GARNL3: variants seen among roughly 807,000 people sequenced by gnomAD.
GARNL3 encodes the protein GTPase-activating Rap/Ran-GAP domain-like protein 3.
In GARNL3, 63 loss-of-function variants were observed where a neutral mutation model predicts 125.0. The ratio of observed to expected loss-of-function variants is 0.50; its 90% CI spans 0.41 to 0.62. The LOEUF (loss-of-function observed/expected upper bound fraction) is 0.62. Among genes scored for constraint, GARNL3 ranks in the 20% least tolerant of loss-of-function variants. The pLI is 0.00. For synonymous variants in GARNL3, 439 were observed against 457.5 expected (o/e 0.96, Z 0.52); for missense variants, 994 against 1,244.0 (o/e 0.80, Z 3.02).
chr9:127,290,056 G>T lies in GARNL3; in HGVS notation c.145-1112G>T, dbSNP rs1383646353. 2.0e-5 allele frequency among the ~76,000 whole-genome samples: 3 copies of T among 152,142 alleles called. No individual in the cohort carries two copies. The East Asian group carries it at 5.8e-4, about 29-fold the overall frequency. Reference sequence around the variant, plus strand: ...CTAACTAGTTAAGTGACTGTAGCCCGTTATTTTACCCTTCTCTGCCTCAGT... The same window carrying T: ...CTAACTAGTTAAGTGACTGTAGCCCTTTATTTTACCCTTCTCTGCCTCAGT... On this transcript the variant is annotated intron_variant, in intron 1 of 27. Coordinates refer to ENST00000373387, the MANE Select transcript of GARNL3 (RefSeq NM_032293.5).
chr9:127,358,446 A>G (rs1163571724), intron 21 of GARNL3, among the ~76,000 whole-genome samples: 2 of 152,264 alleles, frequency 1.3e-5, no homozygotes, highest in East Asian at 1.9e-4. Flanking sequence ...GGCTACCTCC[A>G]GTCCTGTTCA....
At chr9:127,344,063 G>A (rs760183328) in intron 14 of GARNL3, among the ~76,000 whole-genome samples, 172 bp from the exon 15 acceptor site, 1 of 152,160 alleles carries the variant, frequency 6.6e-6, no homozygotes, top group Non-Finnish European at 1.5e-5. Flanking sequence ...TCTGAATCTA[G>A]TATCTACCAT....
intron 2 of GARNL3, among the ~76,000 whole-genome samples, chr9:127,302,978 C>T (rs1353567665): frequency 3.3e-5 from 5 of 152,074 alleles, no homozygotes; most frequent in East Asian, 3.9e-4. Context: ...GGTGAAACCC[C>T]GTCTCAACTA....
intron 2 of GARNL3, among the ~76,000 whole-genome samples, chr9:127,252,290 T>G (rs1171466948): frequency 6.6e-6 from 1 of 152,196 alleles, no homozygotes; most frequent in Non-Finnish European, 1.5e-5. Context: ...ATGGTTATGT[T>G]CCTAAAGCAA....
At chr9:127,337,964 A>G in intron 11 of GARNL3, 152 bp from the exon 12 acceptor site, 1 of 641,668 alleles carries the variant, frequency 1.6e-6, no homozygotes, top group Non-Finnish European at 2.8e-6. Flanking sequence ...TCTCTTGGAA[A>G]GAAGTATGGG....
At chr9:127,319,455 C>G (rs1315517598) in intron 5 of GARNL3, among the ~76,000 whole-genome samples, 1 of 151,908 alleles carries the variant, frequency 6.6e-6, no homozygotes. Context: ...GCACTCTAAC[C>G]TGGGTGACAG....
chr9:127,230,956 A>G (rs533916730), intron 1 of GARNL3, among the ~76,000 whole-genome samples: 18 of 134,702 alleles, frequency 1.3e-4, no homozygotes, highest in Admixed American at 1.2e-3. Flanking sequence ...CAGGCAAACG[A>G]TATATATGTG....
intron 13 of GARNL3, among the ~76,000 whole-genome samples, chr9:127,341,751 C>T (rs756789698): frequency 6.6e-6 from 1 of 152,148 alleles, no homozygotes; most frequent in Admixed American, 6.5e-5. Flanking sequence ...CTTTCATCAG[C>T]GTTGTCAAAG....
chr9:127,392,092 G>A lies in GARNL3; in HGVS notation c.2871-991G>A, dbSNP rs1231684732. Among the ~76,000 whole-genome samples, 2 of 152,214 alleles carry A rather than the reference G, an allele frequency of 1.3e-5. No individual in the cohort carries two copies. Among genetic ancestry groups the A allele is most frequent in the Non-Finnish European group, 2.9e-5 (2 of 68,034 alleles). On this transcript the variant is annotated intron_variant, in intron 27 of 27. Transcript: ENST00000373387. This position sits in a 1 kb window ranked among gnomAD's most constrained non-coding sequence, Gnocchi z 5.2. Reference sequence around the variant, plus strand: ...AAAATGACTGCATTCCAGCATGGCAGGTGATGTGTAAGGAGGGTTGCCATC... The same window carrying A: ...AAAATGACTGCATTCCAGCATGGCAAGTGATGTGTAAGGAGGGTTGCCATC...
At chr9:127,241,299 A>C (rs2063199751) in intron 1 of GARNL3, among the ~76,000 whole-genome samples, 1 of 151,984 alleles carries the variant, frequency 6.6e-6, no homozygotes, top group South Asian at 2.1e-4. Flanking sequence ...GAGGTTCAAA[A>C]GAAAAAAAAA....
At chr9:127,339,488 C>T (rs1588887490) in intron 12 of GARNL3, among the ~76,000 whole-genome samples, 157 bp from the exon 13 acceptor site, 2 of 152,082 alleles carry the variant, frequency 1.3e-5, no homozygotes, top group East Asian at 3.9e-4. Flanking sequence ...GAGAATAGCA[C>T]GGGAAAGACT....
intron 22 of GARNL3, among the ~76,000 whole-genome samples, chr9:127,379,279 ACT>A (rs1487071082): frequency 1.3e-5 from 2 of 152,140 alleles, no homozygotes; most frequent in African/African-American, 4.8e-5. Flanking sequence ...GACCTTTTAC[ACT>A]GAGTTGGGTT....
At chr9:127,300,025 G>T in intron 2 of GARNL3, 1 of 255,360 alleles carries the variant, frequency 3.9e-6, no homozygotes, top group Admixed American at 4.0e-5. Context: ...TTTTTTAAAG[G>T]CCTGTCTCCC....
At chr9:127,299,247 G>C (rs1160338726) in intron 2 of GARNL3, among the ~76,000 whole-genome samples, 1 of 148,888 alleles carries the variant, frequency 6.7e-6, no homozygotes, top group Non-Finnish European at 1.5e-5. Context: ...AACCCGGGAG[G>C]TGGAGCTTGC....
intron 2 of GARNL3, among the ~76,000 whole-genome samples, chr9:127,297,141 CTTTTCTTTTTT>C (rs2064624194): frequency 1.3e-5 from 2 of 151,900 alleles, no homozygotes; most frequent in Admixed American, 6.6e-5. Flanking sequence ...TTTTCTTTTT[CTTTTCTTTTTT>C]GAGACACGGT....
intron 4 of GARNL3, among the ~76,000 whole-genome samples, chr9:127,315,042 C>T (rs2065201606): frequency 6.6e-6 from 1 of 152,204 alleles, no homozygotes; most frequent in Non-Finnish European, 1.5e-5. Flanking sequence ...CCCAGGACTG[C>T]TGTGAAGGCA....
rs866314101 is a variant in GARNL3 at position 127,266,160 on chromosome 9, G to A, written c.144+1139G>A. Among the ~76,000 whole-genome samples, 1 of 152,200 alleles carries A rather than the reference G, an allele frequency of 6.6e-6. No individual in the cohort carries two copies. Among genetic ancestry groups the A allele is most frequent in the African/African-American group, 2.4e-5 (1 of 41,460 alleles). On this transcript the variant is annotated intron_variant, in intron 1 of 27. Transcript: ENST00000373387. The surrounding 1 kb of genome is among the most constrained non-coding windows in gnomAD (Gnocchi z 4.0). Reference sequence around the variant, plus strand: ...ACCACCACCTCCCCTGAAGGAGCAGGTGCATAGCTATAAGTCAGAGTAGGA... The same window carrying A: ...ACCACCACCTCCCCTGAAGGAGCAGATGCATAGCTATAAGTCAGAGTAGGA...
intron 22 of GARNL3, among the ~76,000 whole-genome samples, chr9:127,380,198 A>ATGTG (rs1458335111): frequency 2.6e-4 from 18 of 69,234 alleles, no homozygotes; most frequent in Admixed American, 4.5e-4. Flanking sequence ...GTCTCAAAAA[A>ATGTG]TATGTGTGTG....
At chr9:127,391,215 G>A (rs2131846899) in intron 27 of GARNL3, among the ~76,000 whole-genome samples, 1 of 151,474 alleles carries the variant, frequency 6.6e-6, no homozygotes, top group Non-Finnish European at 1.5e-5. Context: ...AACATGAGAG[G>A]CGGAGGCTGC....
Sources: gnomAD v4.1 joint callset for allele counts (sites outside exome capture counted in the v4.1 genomes callset) on GRCh38, gnomAD v4.1.1 for gene constraint, Gnocchi (gnomAD v3.1) non-coding constraint, MANE v1.5 for transcripts, NCBI Gene and HGNC (gene_info 2026-07-23, HGNC 2026-07-21) for gene names.